DOCK7: variants seen among roughly 807,000 people sequenced by gnomAD.
The protein encoded by DOCK7 is dedicator of cytokinesis protein 7.
A neutral mutation model predicts 271.0 loss-of-function variants in DOCK7; 138 were observed. The ratio of observed to expected loss-of-function variants is 0.51; its 90% CI spans 0.44 to 0.59. DOCK7 has a LOEUF of 0.59. Among genes scored for constraint, DOCK7 ranks in the 20% least tolerant of loss-of-function variants. The probability of loss-of-function intolerance (pLI) is 0.00; values close to 1 mark genes in which losing one functional copy is unlikely to be tolerated. For synonymous variants in DOCK7, 823 were observed against 876.1 expected, an observed-to-expected ratio of 0.94 and a Z score of 1.07; for missense variants, 2,066 against 2,592.4, an observed-to-expected ratio of 0.80 and a Z score of 4.41.
At chr1:62,610,235 C>T (rs571708640) in intron 14 of DOCK7, among the ~76,000 whole-genome samples, 2 of 152,118 alleles carry the variant, frequency 1.3e-5, no homozygotes, top group South Asian at 2.1e-4. Context: ...ACCAAAATAG[C>T]AGAGTATGTG....
intron 2 of DOCK7, among the ~76,000 whole-genome samples, chr1:62,655,715 C>T (rs1008878441): frequency 7.9e-5 from 12 of 152,148 alleles, no homozygotes; most frequent in African/African-American, 2.7e-4. Context: ...GTGTGAGCCA[C>T]GGCGCCCAGC....
chr1:62,462,562 C>T (rs1048898113), intron 48 of DOCK7, among the ~76,000 whole-genome samples: 1 of 152,120 alleles, frequency 6.6e-6, no homozygotes, highest in South Asian at 2.1e-4. Context: ...AGTGATGACA[C>T]AGCAAACCAG....
chr1:62,529,276 C>A lies in DOCK7; in HGVS notation c.3781+1G>T. On this transcript the variant is annotated splice_donor_variant, in intron 30 of 49. Coordinates refer to ENST00000635253, the MANE Select transcript of DOCK7 (RefSeq NM_001367561.1). LOFTEE classifies it high-confidence loss of function. ...ATATTTGCCTTAATTATACTAGGTACCTGTAAAATCATACAGCTGAGGTAC... is the reference window on the plus strand; with the variant it reads ...ATATTTGCCTTAATTATACTAGGTAACTGTAAAATCATACAGCTGAGGTAC... 6.3e-7 allele frequency: 1 copy of A among 1,592,790 alleles called. No homozygotes were observed. The highest frequency in any genetic ancestry group is 8.5e-7 in the Non-Finnish European group (1 of 1,171,988).
intron 18 of DOCK7, among the ~76,000 whole-genome samples, chr1:62,572,715 G>T (rs1646823534): frequency 6.6e-6 from 1 of 152,032 alleles, no homozygotes; most frequent in African/African-American, 2.4e-5. Flanking sequence ...TTATAACCTT[G>T]TCTAAACCCA....
Position 62,578,965 on chromosome 1 carries a change from A to C in DOCK7, c.1873T>G (p.Ser625Ala). 2 of 1,546,112 alleles carry C rather than the reference A, an allele frequency of 1.3e-6. No homozygotes were observed. The highest frequency in any genetic ancestry group is 1.7e-6 in the Non-Finnish European group (2 of 1,154,746). Reference protein sequence around the residue: ...AYTAVVYHNRSPDFHEEIKVK... With the variant: ...AYTAVVYHNRAPDFHEEIKVK... ...TTGATTTCTTCATGAAAATCAGGAG[A>C]CCTTCATACAAAAAAAAAAAAAAAT... The change falls in exon 17 of 50, where the codon TCT (serine) becomes GCT (alanine). Residue 625 changes from serine to alanine, a missense_variant and splice_region_variant. By Grantham distance (99) the Ser-to-Ala change is moderately conservative. Around this residue, in one of 2 missense-constraint regions of DOCK7, gnomAD observed 1,414 missense variants for 1,670.4 expected, o/e 0.85. Transcript: ENST00000635253.
chr1:62,466,247 C>T (rs986922741), intron 48 of DOCK7, among the ~76,000 whole-genome samples: 1 of 151,106 alleles, frequency 6.6e-6, no homozygotes, highest in Non-Finnish European at 1.5e-5. Context: ...ATAAAAGTGC[C>T]CTATTTAGAA....
At chr1:62,674,822 TTAATA>T (rs1660371259) in intron 1 of DOCK7, among the ~76,000 whole-genome samples, 3 of 152,124 alleles carry the variant, frequency 2.0e-5, no homozygotes, top group Admixed American at 6.5e-5. Flanking sequence ...AACATAAACC[TTAATA>T]TAATAACTAA....
chr1:62,511,748 G>A (rs1781212), intron 33 of DOCK7, among the ~76,000 whole-genome samples: 88,418 of 151,274 alleles, frequency 0.58, 27,456 homozygotes, highest in East Asian at 0.76. Context: ...CATGTCTTTA[G>A]GAAATTTATG....
chr1:62,561,471 T>C (rs953082466), intron 19 of DOCK7, 146 bp downstream of exon 19: 2 of 392,224 alleles, frequency 5.1e-6, no homozygotes, highest in Admixed American at 4.6e-5. Context: ...CTTCTAAATA[T>C]TGTATGTTTT....
At chr1:62,617,793 T>C (rs1652639081) in intron 14 of DOCK7, among the ~76,000 whole-genome samples, 1 of 152,022 alleles carries the variant, frequency 6.6e-6, no homozygotes, top group Non-Finnish European at 1.5e-5. Flanking sequence ...ATATTTCTGT[T>C]TCACAGTGCT....
At chr1:62,463,212 T>C (rs1291772018) in intron 48 of DOCK7, among the ~76,000 whole-genome samples, 1 of 152,170 alleles carries the variant, frequency 6.6e-6, no homozygotes, top group African/African-American at 2.4e-5. Flanking sequence ...TGAACCTCTT[T>C]GGTAAAGAGA....
At position 62,587,230 on chromosome 1, in the gene DOCK7, G is replaced by C. The variant is rs190087553; in HGVS notation, c.1683-606C>G. Among the ~76,000 whole-genome samples the C allele has an allele frequency of 1.4e-4, 18 of 131,036 alleles. No homozygotes were observed. In the East Asian group the frequency reaches 4.1e-3, roughly 30 times the overall value. 86.0% of individuals were successfully genotyped at this position (131,036 alleles called of 152,430 possible). A position where few individuals can be genotyped will look rare whatever the true frequency, so the allele number is the denominator to read the frequency against. Reference sequence around the variant, plus strand: ...TGTCCAGCTCATCATCTCTATCATAGACAAACTTTAATAGTCCTTGCTGCC... The same window carrying C: ...TGTCCAGCTCATCATCTCTATCATACACAAACTTTAATAGTCCTTGCTGCC... On this transcript the variant is annotated intron_variant, in intron 14 of 49. Coordinates refer to ENST00000635253, the MANE Select transcript of DOCK7 (RefSeq NM_001367561.1).
chr1:62,677,911 G>A (rs1162933906), intron 1 of DOCK7, among the ~76,000 whole-genome samples: 2 of 64,696 alleles, frequency 3.1e-5, no homozygotes, highest in African/African-American at 5.4e-5. Flanking sequence ...TGGGAGGATC[G>A]CTTGAGGCCA....
chr1:62,604,387 G>A, intron 14 of DOCK7: 1 of 965,022 alleles, frequency 1.0e-6, no homozygotes, highest in Non-Finnish European at 1.5e-6. Flanking sequence ...TAATGAAAGT[G>A]TTCATTCTAG....
intron 21 of DOCK7, among the ~76,000 whole-genome samples, chr1:62,553,311 T>C (rs1322886719): frequency 1.9e-3 from 9 of 4,650 alleles, no homozygotes; most frequent in Non-Finnish European, 4.3e-3. Flanking sequence ...TAAAAAGTAT[T>C]TTATATATAT....
chr1:62,456,798 G>GA (rs1645362092), intron 49 of DOCK7, among the ~76,000 whole-genome samples: 1 of 152,158 alleles, frequency 6.6e-6, no homozygotes, highest in Admixed American at 6.5e-5. Flanking sequence ...AAGACTGGGA[G>GA]AGGGGGAGTG....
At chr1:62,682,079 A>G (rs1342081362) in intron 1 of DOCK7, among the ~76,000 whole-genome samples, 2 of 152,084 alleles carry the variant, frequency 1.3e-5, no homozygotes, top group African/African-American at 2.4e-5. Context: ...AGTTACAGAG[A>G]TGGAAACAAG....
intron 7 of DOCK7, among the ~76,000 whole-genome samples, 169 bp from the exon 8 acceptor site, chr1:62,636,772 CAG>C (rs1231219504): frequency 1.3e-5 from 2 of 152,150 alleles, no homozygotes; most frequent in Non-Finnish European, 2.9e-5. Flanking sequence ...GCATATCGTT[CAG>C]AGTCTAAATC....
chr1:62,597,690 G>A lies in DOCK7; in HGVS notation c.1683-11066C>T, dbSNP rs199772471. 122 of 1,613,370 alleles carry A rather than the reference G, an allele frequency of 7.6e-5. 2 individuals carry two copies. The South Asian group carries it at 8.7e-4, about 11-fold the overall frequency. On this transcript the variant is annotated intron_variant, in intron 14 of 49. Coordinates refer to ENST00000635253, the MANE Select transcript of DOCK7 (RefSeq NM_001367561.1). ...AAAATCAAGATTTGCTATGTTAGAC[G>A]ATGTAAAAATTTTAGCCAATGGCCT...
Sources: allele counts gnomAD v4.1 joint callset (sites outside exome capture counted in the v4.1 genomes callset), GRCh38; gene constraint gnomAD v4.1.1; regional missense constraint gnomAD v4.1.1; transcripts MANE v1.5; gene names NCBI Gene and HGNC (gene_info 2026-07-23, HGNC 2026-07-21).